ELF4: variants seen among roughly 807,000 people sequenced by gnomAD.
ELF4 encodes the protein ETS-related transcription factor Elf-4.
A neutral mutation model predicts 31.7 loss-of-function variants in ELF4; 10 were observed. The ratio of observed to expected loss-of-function variants is 0.32; its 90% confidence interval spans 0.19 to 0.54. The LOEUF (loss-of-function observed/expected upper bound fraction) is 0.54, where lower values mean the gene tolerates loss of function less well. Among genes scored for constraint, ELF4 ranks in the 20% least tolerant of loss-of-function variants. ELF4 has a pLI of 0.95. For missense variants in ELF4, 418 were observed against 522.0 expected, an observed-to-expected ratio of 0.80 and a Z score of 1.94; for synonymous variants, 208 against 226.7, an observed-to-expected ratio of 0.92 and a Z score of 0.74.
upstream of ELF4, among the ~76,000 whole-genome samples, chrX:130,111,151 C>A (rs1200542150): frequency 9.1e-6 from 1 of 109,295 alleles, no homozygotes; most frequent in African/African-American, 3.3e-5. Context: ...GCGGCTCGCT[C>A]GCGCCCGGGG....
Position 130,064,094 on chromosome X carries a change from A to G in ELF4, c.*2627T>C, listed in dbSNP as rs753253785. Among the ~76,000 whole-genome samples the G allele has an allele frequency of 4.6e-5, 5 of 109,268 alleles. No homozygotes were observed. The highest frequency in any genetic ancestry group is 1.3e-4 in the African/African-American group (4 of 30,044). 94.9% of individuals were successfully genotyped at this position (109,268 alleles called of 115,157 possible). ...TGTGCCATGGTGGTTTGCTGCACCC[A>G]TCAACCCGTCATCTTGGAAAGGTTT... is the stretch of plus-strand genomic sequence containing the variant. On this transcript the variant is annotated 3_prime_UTR_variant, in exon 9 of 9. Transcript: ENST00000308167.
Position 130,066,499 on chromosome X carries a change from A to C in ELF4, c.*222T>G, listed in dbSNP as rs761074508. On this transcript the variant is annotated 3_prime_UTR_variant, in exon 9 of 9. Transcript: ENST00000308167. The stretch of plus-strand genomic sequence containing the variant: ...ACCAAGTCAGCCCGTTATGCTGCCA[A>C]AAGCATATGCCCTAGTGCTCTTGAA... The C allele has an allele frequency of 5.2e-5, 21 of 406,228 alleles. No individual in the cohort carries two copies. The highest frequency in any genetic ancestry group is 7.6e-5 in the Non-Finnish European group (18 of 236,686). The allele number at this position is 406,228 out of a possible 1,213,427, so 33.5% of individuals were successfully genotyped here.
intron 1 of ELF4, among the ~76,000 whole-genome samples, chrX:130,093,034 C>T (rs942550427): frequency 1.4e-4 from 15 of 110,679 alleles, no homozygotes; most frequent in African/African-American, 4.3e-4. Flanking sequence ...ACATATAGGC[C>T]GGGTGTGATG....
At chrX:130,108,322 CAAA>C (rs1411156615) in intron 1 of ELF4, among the ~76,000 whole-genome samples, 1 of 102,491 alleles carries the variant, frequency 9.8e-6, no homozygotes, top group Non-Finnish European at 2.0e-5. Context: ...AAACAAAAAC[CAAA>C]AAAAAAACAA....
chrX:130,070,607 A>T (rs948109471), intron 7 of ELF4, among the ~76,000 whole-genome samples: 2 of 102,766 alleles, frequency 1.9e-5, no homozygotes, highest in Admixed American at 1.1e-4. Context: ...AAAATAAAAA[A>T]AAAACATACA....
chrX:130,087,402 C>A (rs1487168045), intron 1 of ELF4, among the ~76,000 whole-genome samples: 1 of 112,819 alleles, frequency 8.9e-6, no homozygotes, highest in Non-Finnish European at 1.9e-5. Flanking sequence ...ACAGGGATCT[C>A]CTATTTAGCT....
chrX:130,069,238 A>G, intron 8 of ELF4, 62 bp downstream of exon 8: 1 of 1,187,314 alleles, frequency 8.4e-7, no homozygotes. Flanking sequence ...AAAAAAAAAA[A>G]GAAAACTGAA....
chrX:130,103,267 G>A (rs1207211154), intron 1 of ELF4, among the ~76,000 whole-genome samples: 1 of 112,241 alleles, frequency 8.9e-6, no homozygotes, highest in African/African-American at 3.2e-5. Flanking sequence ...CTACGAGAAA[G>A]TATTTACAAA....
chrX:130,074,523 C>T, intron 3 of ELF4, 58 bp downstream of exon 3: 1 of 1,200,034 alleles, frequency 8.3e-7, no homozygotes, highest in South Asian at 1.8e-5. Flanking sequence ...GGCTGCTGTT[C>T]CCTAAAGACA....
intron 8 of ELF4, among the ~76,000 whole-genome samples, chrX:130,068,616 G>A (rs1028764508): frequency 6.2e-5 from 7 of 112,784 alleles, no homozygotes; most frequent in African/African-American, 2.3e-4. Context: ...AGGGAAAATC[G>A]GAGGCCCCTT....
chrX:130,101,799 C>CA (rs1366118130), intron 1 of ELF4, among the ~76,000 whole-genome samples: 7 of 71,574 alleles, frequency 9.8e-5, no homozygotes, highest in Non-Finnish European at 1.4e-4. Context: ...AACTCCGTCT[C>CA]AAAAAACAAA....
chrX:130,074,013 G>A (rs377528992), intron 4 of ELF4, 36 bp downstream of exon 4: 98 of 1,167,808 alleles, frequency 8.4e-5, no homozygotes, highest in Non-Finnish European at 1.1e-4. Context: ...GAATTATTTT[G>A]TTGCCTTGAG....
At chrX:130,083,773 GGAAT>G (rs1168892409) in intron 1 of ELF4, among the ~76,000 whole-genome samples, 2 of 111,351 alleles carry the variant, frequency 1.8e-5, no homozygotes, top group African/African-American at 3.3e-5. Context: ...TTGTGTTTGT[GGAAT>G]GAATGAAGGG....
At chrX:130,111,014 G>A (rs1433279402), upstream of ELF4, among the ~76,000 whole-genome samples, 2 of 89,968 alleles carry the variant, frequency 2.2e-5, no homozygotes, top group African/African-American at 7.9e-5. Flanking sequence ...CGGGGTGGGG[G>A]AGGGAACGAG....
At chrX:130,095,526 G>A (rs938334918) in intron 1 of ELF4, among the ~76,000 whole-genome samples, 3 of 111,384 alleles carry the variant, frequency 2.7e-5, no homozygotes, top group Non-Finnish European at 5.7e-5. Context: ...TCTCCACTTC[G>A]AAGCCTCAGA....
intron 8 of ELF4, among the ~76,000 whole-genome samples, chrX:130,068,489 C>T (rs764234111): frequency 5.4e-5 from 6 of 111,934 alleles, no homozygotes; most frequent in Non-Finnish European, 1.1e-4. Context: ...CTGCCCTCCT[C>T]GAAAGGGTGT....
chrX:130,101,379 G>A (rs193293099), intron 1 of ELF4, among the ~76,000 whole-genome samples: 1 of 112,551 alleles, frequency 8.9e-6, no homozygotes, highest in African/African-American at 3.2e-5. Context: ...CAAATAAGTA[G>A]TCCTATTTTA....
intron 2 of ELF4, among the ~76,000 whole-genome samples, chrX:130,080,410 T>G (rs1603203791): frequency 1.2e-5 from 1 of 81,181 alleles, no homozygotes; most frequent in Non-Finnish European, 2.3e-5. Flanking sequence ...GGCGACAGAG[T>G]GAGACTTCGT....
intron 1 of ELF4, among the ~76,000 whole-genome samples, chrX:130,082,484 C>A (rs777523044): frequency 1.9e-4 from 21 of 112,206 alleles, no homozygotes; most frequent in African/African-American, 6.1e-4. Context: ...CAGGCGGAAC[C>A]TTCCCCATCC....
Sources: allele counts gnomAD v4.1 joint callset (sites outside exome capture counted in the v4.1 genomes callset), GRCh38; gene constraint gnomAD v4.1.1; transcripts MANE v1.5; gene names NCBI Gene and HGNC (gene_info 2026-07-23, HGNC 2026-07-21).